The following IRS1 variants were observed in gnomAD, a reference collection of about 807,000 sequenced individuals.
The protein encoded by IRS1 is insulin receptor substrate 1.
A neutral mutation model predicts 65.6 loss-of-function variants in IRS1; 34 were observed. The observed-to-expected ratio is 0.52, with a 90% CI of 0.39 to 0.69. The LOEUF is 0.69. Ranked by LOEUF, IRS1 falls within the 30% of genes least tolerant of loss-of-function variation. The pLI is 0.00. For missense variants in IRS1, 1,641 were observed against 1,720.2 expected, an observed-to-expected ratio of 0.95 and a Z score of 0.81; for synonymous variants, 699 against 683.5, an observed-to-expected ratio of 1.02 and a Z score of -0.35.
At position 226,796,735 on chromosome 2, in the gene IRS1, G is replaced by T. The variant is rs34909077; in HGVS notation, c.2004C>A (p.Ser668Arg). The T allele has an allele frequency of 1.2e-6, 2 of 1,610,928 alleles. No homozygotes were observed. The highest frequency in any genetic ancestry group is 1.3e-5 in the African/African-American group (1 of 75,002). The change falls in exon 1 of 2, where the codon AGC becomes AGA. Residue 668 changes from serine to arginine, a missense_variant. Around this residue, in one of 3 missense-constraint regions of IRS1, gnomAD observed 1,324 missense variants for 1,361.0 expected, o/e 0.97. Transcript: ENST00000305123. ...CTCCAATGTCAGGAGAGCAGCCACC[G>T]CTGGGGGACATCATCATGTAGCCAT... ...DPNGYMMMSP[S>R]GGCSPDIGGG...
Position 226,799,409 on chromosome 2 carries a change from G to T in IRS1, c.-671C>A. 1 of 1,260,604 alleles carries T rather than the reference G, an allele frequency of 7.9e-7. No individual in the cohort carries two copies. Among genetic ancestry groups the T allele is most frequent in the Non-Finnish European group, 1.0e-6 (1 of 969,824 alleles). The allele number at this position is 1,260,604 out of a possible 1,614,324, so 78.1% of individuals were successfully genotyped here. ...TGCTGCTGCCGCCGCCCGCGGGCGC[G>T]TCCTCTGCAGCCCCCATCCGGGCCC... On this transcript the variant is annotated 5_prime_UTR_variant, in exon 1 of 2. Coordinates refer to ENST00000305123, the MANE Select transcript of IRS1 (RefSeq NM_005544.3). The surrounding 1 kb of genome is among the most constrained non-coding windows in gnomAD (Gnocchi z 6.1).
At position 226,795,686 on chromosome 2, in the gene IRS1, C is replaced by A; in HGVS notation, c.3053G>T (p.Gly1018Val). The A allele has an allele frequency of 6.2e-7, 1 of 1,613,340 alleles. No individual in the cohort carries two copies. The highest frequency in any genetic ancestry group is 8.5e-7 in the Non-Finnish European group (1 of 1,180,018). ...APVSYADMRT[G>V]IAAEEVSLPR... ...CAGGCTCACCTCCTCTGCAGCAATG[C>A]CTGTTCGCATGTCAGCATAGCTTAC... Residue 1018 changes from glycine (G) to valine (V), a missense_variant, in exon 1 of 2, where the codon GGC becomes GTC. By Grantham distance (109) the Gly-to-Val change is moderately radical. Coordinates refer to ENST00000305123, the MANE Select transcript of IRS1 (RefSeq NM_005544.3).
In IRS1 at chr2:226,798,284, C is replaced by A. The variant is rs1939793113; in HGVS notation, c.455G>T (p.Gly152Val). The part of the protein sequence containing the change: ...LGEAGEDLSY[G>V]DVPPGPAFKE... ...GAATGCGGGTCCTGGGGGCACGTCA[C>A]CGTAGCTCAAGTCCTCCCCAGCCTC... Residue 152 changes from glycine (G) to valine (V), a missense_variant, in exon 1 of 2, where the codon GGT (glycine) becomes GTT (valine). Around this residue, in one of 3 missense-constraint regions of IRS1, gnomAD observed 240 missense variants for 229.6 expected, o/e 1.05. Transcript: ENST00000305123. The surrounding 1 kb of genome is among the most constrained non-coding windows in gnomAD (Gnocchi z 9.4). 2 of 1,613,048 alleles carry A rather than the reference C, an allele frequency of 1.2e-6. No individual in the cohort carries two copies. The highest frequency in any genetic ancestry group is 2.2e-5 in the South Asian group (2 of 91,090).
chr2:226,757,959 T>C (rs1172809771), intron 1 of IRS1, among the ~76,000 whole-genome samples: 1 of 152,242 alleles, frequency 6.6e-6, no homozygotes, highest in Non-Finnish European at 1.5e-5. Flanking sequence ...ATTTCTAATA[T>C]GGTTTGTAGT....
Position 226,798,163 on chromosome 2 carries a change from G to A in IRS1, c.576C>T (p.Ile192=), listed in dbSNP as rs1016697016. 6.2e-7 allele frequency: 1 copy of A among 1,614,030 alleles called. No homozygotes were observed. Among genetic ancestry groups the A allele is most frequent in the Non-Finnish European group, 8.5e-7 (1 of 1,180,034 alleles). ...IYRLCLTSKT[I]SFVKLNSEAA... The stretch of plus-strand genomic sequence containing the variant: ...CCTCCGAGTTCAGCTTCACGAAGCT[G>A]ATGGTCTTGCTGGTCAGGCAAAGGC... Residue 192 remains isoleucine, a synonymous_variant, in exon 1 of 2, where the codon ATC becomes ATT. Coordinates refer to ENST00000305123, the MANE Select transcript of IRS1 (RefSeq NM_005544.3). This position sits in a 1 kb window ranked among gnomAD's most constrained non-coding sequence, Gnocchi z 9.4.
intron 1 of IRS1, among the ~76,000 whole-genome samples, chr2:226,766,148 TA>T (rs1559152008): frequency 2.8e-3 from 21 of 7,434 alleles, no homozygotes; most frequent in Non-Finnish European, 4.0e-3. Context: ...TATATATATA[TA>T]TATATATATA....
chr2:226,774,539 C>CA (rs887714365), intron 1 of IRS1, among the ~76,000 whole-genome samples: 4 of 151,084 alleles, frequency 2.6e-5, no homozygotes, highest in South Asian at 2.1e-4. Flanking sequence ...AACAAGCAAA[C>CA]AAAAAAAATA....
chr2:226,774,829 C>T (rs1384229152), intron 1 of IRS1, among the ~76,000 whole-genome samples: 2 of 152,088 alleles, frequency 1.3e-5, no homozygotes, highest in East Asian at 3.9e-4. Flanking sequence ...GTAAACGAAG[C>T]CAGCCTGATA....
Position 226,795,897 on chromosome 2 carries a change from G to T in IRS1, c.2842C>A (p.Pro948Thr). 1.2e-6 allele frequency: 2 copies of T among 1,613,818 alleles called. No homozygotes were observed. Among genetic ancestry groups the T allele is most frequent in the Non-Finnish European group, 1.7e-6 (2 of 1,180,026 alleles). The change falls in exon 1 of 2, where the codon CCG becomes ACG. Residue 948 changes from proline to threonine, a missense_variant. Coordinates refer to ENST00000305123, the MANE Select transcript of IRS1 (RefSeq NM_005544.3). ...TEEYMKMDLG[P>T]GRRAAWQEST... is the part of the protein sequence containing the mutation. ...TCCTGCCAGGCTGCCCTCCGGCCCG[G>T]CCCCAGGTCCATCTTCATGTACTCC...
intron 1 of IRS1, among the ~76,000 whole-genome samples, chr2:226,757,430 C>T (rs1021136232): frequency 6.6e-6 from 1 of 151,702 alleles, no homozygotes; most frequent in African/African-American, 2.4e-5. Context: ...GCCTGACCAA[C>T]ATGGTAAAAA....
At chr2:226,741,983 G>T (rs895623625) in intron 1 of IRS1, among the ~76,000 whole-genome samples, 2 of 152,126 alleles carry the variant, frequency 1.3e-5, no homozygotes, top group Admixed American at 6.6e-5. Flanking sequence ...ACTGTGAAAC[G>T]CTTATTAAAG....
intron 1 of IRS1, among the ~76,000 whole-genome samples, chr2:226,737,896 A>T (rs901979050): frequency 6.6e-6 from 1 of 152,188 alleles, no homozygotes; most frequent in African/African-American, 2.4e-5. Flanking sequence ...GAGTTAAATA[A>T]ATGAAAAGGA....
chr2:226,744,928 C>G (rs1336267819), intron 1 of IRS1, among the ~76,000 whole-genome samples: 3 of 151,466 alleles, frequency 2.0e-5, no homozygotes, highest in Non-Finnish European at 4.4e-5. Context: ...TTCTTTGAAG[C>G]GAACTGTTCT....
chr2:226,791,669 A>AGAGCCCCGCCCCGCGCC (rs1004658620), intron 1 of IRS1, among the ~76,000 whole-genome samples: 7 of 151,850 alleles, frequency 4.6e-5, no homozygotes, highest in African/African-American at 1.7e-4. Context: ...GGACCCGCGG[A>AGAGCCCCGCCCCGCGCC]GAGCCCCGCC....
chr2:226,762,315 T>G (rs569866570), intron 1 of IRS1, among the ~76,000 whole-genome samples: 4 of 150,876 alleles, frequency 2.7e-5, no homozygotes, highest in Admixed American at 1.3e-4. Flanking sequence ...CTCATACCTC[T>G]TGAGATATTA....
chr2:226,748,625 C>A (rs537660398), intron 1 of IRS1, among the ~76,000 whole-genome samples: 2 of 151,820 alleles, frequency 1.3e-5, no homozygotes, highest in African/African-American at 2.4e-5. Context: ...ATCCACACCT[C>A]GGAAGATAAT....
At chr2:226,776,878 C>G (rs1004443765) in intron 1 of IRS1, among the ~76,000 whole-genome samples, 2 of 152,188 alleles carry the variant, frequency 1.3e-5, no homozygotes, top group Admixed American at 6.5e-5. Context: ...TGCACTCCAG[C>G]CTGGGCAACA....
chr2:226,770,092 G>C (rs564549573), intron 1 of IRS1, among the ~76,000 whole-genome samples: 79 of 152,272 alleles, frequency 5.2e-4, no homozygotes, highest in African/African-American at 1.8e-3. Context: ...CTATGTCATA[G>C]ATACAGGCAA....
Position 226,796,899 on chromosome 2 carries a change from G to C in IRS1, c.1840C>G (p.Pro614Ala). ...ACTGGGGCCACCCCTGGGGACATGG[G>C]CATGTAGCCATCATCCGTGTGGAGG... ...STLHTDDGYM[P>A]MSPGVAPVPS... The change falls in exon 1 of 2, where the codon CCC (proline) becomes GCC (alanine). Residue 614 changes from proline (P) to alanine (A), a missense_variant. Physicochemically the swap from Pro to Ala is conservative, Grantham distance 27 (BLOSUM62 -1). Around this residue, in one of 3 missense-constraint regions of IRS1, gnomAD observed 1,324 missense variants for 1,361.0 expected, o/e 0.97. Coordinates refer to ENST00000305123, the MANE Select transcript of IRS1 (RefSeq NM_005544.3). 1 of 1,542,120 alleles carries C rather than the reference G, an allele frequency of 6.5e-7. No individual in the cohort carries two copies.
Sources: gnomAD v4.1 joint callset for allele counts (sites outside exome capture counted in the v4.1 genomes callset) on GRCh38, gnomAD v4.1.1 for gene constraint, gnomAD v4.1.1 regional missense constraint, Gnocchi (gnomAD v3.1) non-coding constraint, MANE v1.5 for transcripts, NCBI Gene and HGNC (gene_info 2026-07-23, HGNC 2026-07-21) for gene names.